AARS1: variants seen among roughly 807,000 people sequenced by gnomAD.
AARS1 encodes alanyl-tRNA synthetase 1, also known as alanine--tRNA ligase, cytoplasmic.
In AARS1, 72 loss-of-function variants were observed where a neutral mutation model predicts 108.9. The observed-to-expected ratio is 0.66, with a 90% CI of 0.55 to 0.80. The LOEUF (loss-of-function observed/expected upper bound fraction) is 0.80, where lower values mean the gene tolerates loss of function less well. Among genes scored for constraint, AARS1 ranks in the 30% least tolerant of loss-of-function variants. The probability of loss-of-function intolerance (pLI) is 0.00; values close to 1 mark genes in which losing one functional copy is unlikely to be tolerated. For synonymous variants in AARS1, 489 were observed against 465.7 expected (o/e 1.05, Z -0.64); for missense variants, 1,193 against 1,233.2 (o/e 0.97, Z 0.49).
intron 9 of AARS1, 145 bp from the exon 10 acceptor site, chr16:70,265,807 G>C: frequency 1.1e-6 from 1 of 928,308 alleles, no homozygotes; most frequent in South Asian, 1.5e-5. Flanking sequence ...AGAAAATCCA[G>C]CACATCTTTT....
chr16:70,276,217 A>AAAAT (rs1048026284), intron 4 of AARS1: 23 of 207,132 alleles, frequency 1.1e-4, no homozygotes, highest in Admixed American at 1.6e-4. Context: ...CTGTCTCAAA[A>AAAAT]AAATAAATAA....
intron 9 of AARS1, among the ~76,000 whole-genome samples, chr16:70,266,995 C>A (rs965963454): frequency 6.6e-6 from 1 of 151,998 alleles, no homozygotes; most frequent in Non-Finnish European, 1.5e-5. Context: ...TGCCACCACA[C>A]CCAGCTAATT....
At chr16:70,252,927 G>A (rs1374313343) in intron 20 of AARS1, 21 bp from the exon 21 acceptor site, 1 of 1,613,162 alleles carries the variant, frequency 6.2e-7, no homozygotes, top group African/African-American at 1.3e-5. Context: ...GGAAGGGAAG[G>A]GGGAGTCAGC....
chr16:70,283,673 G>A (rs1238768971), intron 1 of AARS1, among the ~76,000 whole-genome samples: 1 of 152,170 alleles, frequency 6.6e-6, no homozygotes, highest in Non-Finnish European at 1.5e-5. Context: ...TCATGGTGAG[G>A]CGGCTGTCAG....
intron 20 of AARS1, 72 bp downstream of exon 20, chr16:70,253,196 G>T: frequency 7.8e-7 from 1 of 1,288,336 alleles, no homozygotes; most frequent in Non-Finnish European, 1.1e-6. Context: ...TCGAATGCAG[G>T]CTGTACACAC....
chr16:70,274,357 A>G (rs532045793), intron 4 of AARS1, among the ~76,000 whole-genome samples: 3 of 151,806 alleles, frequency 2.0e-5, no homozygotes, highest in African/African-American at 7.2e-5. Flanking sequence ...AAGAAAAAAA[A>G]ATTTCCTTTC....
At chr16:70,280,804 C>T (rs887039528) in intron 2 of AARS1, among the ~76,000 whole-genome samples, 12 of 152,108 alleles carry the variant, frequency 7.9e-5, no homozygotes, top group South Asian at 2.1e-4. Flanking sequence ...TTTTCTCTCA[C>T]GATAAACCTT....
At chr16:70,285,581 C>T (rs8046786) in intron 1 of AARS1, among the ~76,000 whole-genome samples, 14,119 of 152,096 alleles carry the variant, frequency 0.093, 2,152 homozygotes, top group African/African-American at 0.32. Flanking sequence ...CCTGGGTAAC[C>T]TGGATTACAG....
At position 70,268,228 on chromosome 16, in the gene AARS1, G is replaced by A. The variant is rs371903307; in HGVS notation, c.1071+43C>T. ...CCTCTCCCACTCCATCCCTCTTAAC[G>A]GACTGCTTTAGCACAGAAGGGTAAG... On this transcript the variant is annotated intron_variant, in intron 8 of 20. Transcript: ENST00000261772. 377 of 1,561,808 alleles carry A rather than the reference G, an allele frequency of 2.4e-4. 4 individuals are homozygous for A. In the Middle Eastern group the frequency reaches 7.8e-3, roughly 32 times the overall value.
At chr16:70,284,458 C>T (rs890663050) in intron 1 of AARS1, among the ~76,000 whole-genome samples, 2 of 151,484 alleles carry the variant, frequency 1.3e-5, no homozygotes, top group African/African-American at 2.4e-5. Context: ...AAAAATAATC[C>T]GGGCATGGTG....
Position 70,265,551 on chromosome 16 carries a change from C to G in AARS1, c.1334G>C (p.Arg445Thr). The G allele has an allele frequency of 6.2e-7, 1 of 1,613,976 alleles. No individual in the cohort carries two copies. ...VVDMDGFEEE[R>T]KLAQLKSQGK... ...CAAGTTCTTTACCTGGGCCAGTTTC[C>G]TCTCCTCTTCAAAGCCATCCATGTC... The change falls in exon 10 of 21, where the codon AGG becomes ACG. Residue 445 changes from arginine (R) to threonine (T), a missense_variant. Coordinates refer to ENST00000261772, the MANE Select transcript of AARS1 (RefSeq NM_001605.3).
At position 70,262,539 on chromosome 16, in the gene AARS1, T is replaced by C; in HGVS notation, c.1493-15A>G. 1.9e-6 allele frequency: 3 copies of C among 1,603,734 alleles called. No homozygotes were observed. The highest frequency in any genetic ancestry group is 1.1e-5 in the South Asian group (1 of 90,566). On this transcript the variant is annotated splice_polypyrimidine_tract_variant and intron_variant, in intron 11 of 20. Coordinates refer to ENST00000261772, the MANE Select transcript of AARS1 (RefSeq NM_001605.3). ...GTTCTCAAATACTGCTCAAGGGAAATGCATAGAAAGGGGACAGTGGGGTCA... is the reference window on the plus strand; with the variant it reads ...GTTCTCAAATACTGCTCAAGGGAAACGCATAGAAAGGGGACAGTGGGGTCA...
chr16:70,279,820 T>C (rs543929846), intron 2 of AARS1, among the ~76,000 whole-genome samples: 113 of 152,270 alleles, frequency 7.4e-4, no homozygotes, highest in African/African-American at 2.3e-3. Context: ...TCCCGTTGAA[T>C]GAGACCACCT....
rs1442749252 is a variant in AARS1, at chr16:70,258,167, G to A, written c.2043C>T (p.Gly681=). Residue 681 remains glycine (G), a synonymous_variant, in exon 15 of 21, where the codon GGC becomes GGT. Transcript: ENST00000261772. ...CPLAAAKAIQ[G]LRAVFDETYP... is the part of the protein sequence containing the mutation. ...AGGTCTCATCAAACACAGCCCGTAGGCCCTGGATGGCTTTCGCTGCTGCCA... is the reference window on the plus strand; with the variant it reads ...AGGTCTCATCAAACACAGCCCGTAGACCCTGGATGGCTTTCGCTGCTGCCA... 1 of 1,608,806 alleles carries A rather than the reference G, an allele frequency of 6.2e-7. No homozygotes were observed. The highest frequency in any genetic ancestry group is 2.2e-5 in the East Asian group (1 of 44,668).
intron 11 of AARS1, among the ~76,000 whole-genome samples, chr16:70,263,091 G>T (rs932887588): frequency 2.0e-5 from 3 of 151,592 alleles, no homozygotes; most frequent in African/African-American, 7.3e-5. Flanking sequence ...AGGACTGAGG[G>T]GTTTCCTGGG....
In AARS1 at chr16:70,253,954, A is replaced by T. The variant is rs760816488; in HGVS notation, c.2485T>A (p.Leu829Met). 6.2e-7 allele frequency: 1 copy of T among 1,614,222 alleles called. No homozygotes were observed. The highest frequency in any genetic ancestry group is 1.1e-5 in the South Asian group (1 of 91,086). The change falls in exon 18 of 21, where the codon TTG (leucine) becomes ATG (methionine). Residue 829 changes from leucine (L) to methionine (M), a missense_variant. Transcript: ENST00000261772. ...LKSLKKVMDD[L>M]DRASKADVQK... is the part of the protein sequence containing the mutation. ...ACATCGGCTTTGCTGGCTCGGTCCAAGTCATCCATGACCTTCTTTAGGGAT... is the reference window on the plus strand; with the variant it reads ...ACATCGGCTTTGCTGGCTCGGTCCATGTCATCCATGACCTTCTTTAGGGAT...
At chr16:70,289,134 C>G (rs1431430062) in intron 1 of AARS1, among the ~76,000 whole-genome samples, 1 of 152,160 alleles carries the variant, frequency 6.6e-6, no homozygotes. Context: ...TCCTTCCTCC[C>G]GTGCCCCCAC....
At chr16:70,254,542 G>T in intron 17 of AARS1, 79 bp downstream of exon 17, 1 of 1,041,552 alleles carries the variant, frequency 9.6e-7, no homozygotes, top group South Asian at 1.3e-5. Context: ...GGGCCTGACT[G>T]ACTACAGATG....
At chr16:70,264,849 G>A (rs1597439193) in intron 11 of AARS1, 109 bp downstream of exon 11, 7 of 1,399,458 alleles carry the variant, frequency 5.0e-6, no homozygotes, top group Middle Eastern at 3.5e-4. Context: ...GGCACTCCAG[G>A]AGAGGCTGTC....
Sources: gnomAD v4.1 joint callset for allele counts (sites outside exome capture counted in the v4.1 genomes callset) on GRCh38, gnomAD v4.1.1 for gene constraint, MANE v1.5 for transcripts, NCBI Gene and HGNC (gene_info 2026-07-23, HGNC 2026-07-21) for gene names.